Variants in TECPR2 observed in about 807,000 individuals in gnomAD.
The protein encoded by TECPR2 is tectonin beta-propeller repeat-containing protein 2.
A neutral mutation model predicts 138.1 loss-of-function variants in TECPR2; 65 were observed. That is an observed-to-expected ratio of 0.47 (90% CI 0.39 to 0.58). The LOEUF (loss-of-function observed/expected upper bound fraction) is 0.58. Ranked by LOEUF, TECPR2 falls within the 20% of genes least tolerant of loss-of-function variation. TECPR2 has a pLI of 0.00. For synonymous variants in TECPR2, 746 were observed against 749.8 expected, an observed-to-expected ratio of 0.99 and a Z score of 0.08; for missense variants, 1,553 against 1,824.5, an observed-to-expected ratio of 0.85 and a Z score of 2.71.
At position 102,415,553 on chromosome 14, in the gene TECPR2, G is replaced by A. The variant is rs140473737; in HGVS notation, c.638+760G>A. Among the ~76,000 whole-genome samples, 1 of 152,254 alleles carries A rather than the reference G, an allele frequency of 6.6e-6. No individual in the cohort carries two copies. Among genetic ancestry groups the A allele is most frequent in the African/African-American group, 2.4e-5 (1 of 41,534 alleles). On this transcript the variant is annotated intron_variant, in intron 5 of 19. Transcript: ENST00000359520. This position sits in a 1 kb window ranked among gnomAD's most constrained non-coding sequence, Gnocchi z 4.3. ...GCACTCTTGTAGGACTCTGCAGCGA[G>A]TTTGCGTGGGGATGGGGTGAGGAGG...
intron 2 of TECPR2, among the ~76,000 whole-genome samples, chr14:102,392,180 C>T (rs552695590): frequency 3.9e-5 from 6 of 151,974 alleles, no homozygotes; most frequent in South Asian, 2.1e-4. Context: ...TTAGTAGAGA[C>T]GGGGTTTCAC....
chr14:102,370,097 G>A (rs1365332008), intron 1 of TECPR2, among the ~76,000 whole-genome samples: 1 of 151,568 alleles, frequency 6.6e-6, no homozygotes, highest in East Asian at 2.0e-4. Flanking sequence ...TTGAGACAGA[G>A]TTTCGCTCTT....
rs200151959 is a variant in TECPR2, at chr14:102,440,472, G to C, written c.2615G>C (p.Arg872Pro). 1.2e-6 allele frequency: 2 copies of C among 1,614,188 alleles called. No individual in the cohort carries two copies. Among genetic ancestry groups the C allele is most frequent in the South Asian group, 2.2e-5 (2 of 91,084 alleles). The change falls in exon 11 of 20, where the codon CGG becomes CCG. Residue 872 changes from arginine (R) to proline (P), a missense_variant. Physicochemically the swap from Arg to Pro is moderately radical, Grantham distance 103. Coordinates refer to ENST00000359520, the MANE Select transcript of TECPR2 (RefSeq NM_014844.5). ...TGGAAGATTGAACAGAAATCTAACC[G>C]GGCTTTTGCTTGTGGGAAAGTCACC... is the stretch of plus-strand genomic sequence containing the variant. ...LLWKIEQKSN[R>P]AFACGKVTIK...
chr14:102,433,590 G>A (rs1222035889), intron 8 of TECPR2, among the ~76,000 whole-genome samples: 1 of 151,584 alleles, frequency 6.6e-6, no homozygotes, highest in Non-Finnish European at 1.5e-5. Context: ...GTGCGATCTC[G>A]GCTCACTGCA....
intron 17 of TECPR2, among the ~76,000 whole-genome samples, chr14:102,478,614 G>A (rs1304116379): frequency 4.0e-5 from 6 of 151,118 alleles, no homozygotes; most frequent in East Asian, 2.0e-4. Context: ...ATGTCAGTGC[G>A]CTCCAGCCTG....
At position 102,486,311 on chromosome 14, in the gene TECPR2, T is replaced by A. The variant is rs191720943; in HGVS notation, c.3790-10668T>A. 5.5e-3 allele frequency among the ~76,000 whole-genome samples: 834 copies of A among 152,116 alleles called. 5 individuals carry two copies. Among genetic ancestry groups the A allele is most frequent in the African/African-American group, 0.013 (559 of 41,520 alleles). On this transcript the variant is annotated intron_variant, in intron 17 of 19. Coordinates refer to ENST00000359520, the MANE Select transcript of TECPR2 (RefSeq NM_014844.5). ...ACCCATTCTTCAAATTAAAAAAAAATTTTTTTGAGTTAGGCTCTTGTTCCG... is the reference window on the plus strand; with the variant it reads ...ACCCATTCTTCAAATTAAAAAAAAAATTTTTTGAGTTAGGCTCTTGTTCCG...
rs1891437463 is a variant in TECPR2 at position 102,501,652 on chromosome 14, A to G, written c.*3395A>G. ...GAATTGATGTTGAATATTTACCTTA[A>G]AAACCTATACAACAATAAGAGGAGT... On this transcript the variant is annotated 3_prime_UTR_variant, in exon 20 of 20. Coordinates refer to ENST00000359520, the MANE Select transcript of TECPR2 (RefSeq NM_014844.5). 2 of 152,258 alleles carry G rather than the reference A, an allele frequency of 1.3e-5. 1 individual carries two copies. The highest frequency in any genetic ancestry group is 4.8e-5 in the African/African-American group (2 of 41,464). 9.4% of individuals were successfully genotyped at this position (152,258 alleles called of 1,614,324 possible).
chr14:102,495,794 G>A (rs1891263971), intron 17 of TECPR2, among the ~76,000 whole-genome samples: 1 of 152,198 alleles, frequency 6.6e-6, no homozygotes, highest in East Asian at 1.9e-4. Context: ...GCCCACGGGA[G>A]GCATTTCATA....
intron 16 of TECPR2, among the ~76,000 whole-genome samples, 170 bp from the exon 17 acceptor site, chr14:102,464,971 C>T (rs1890515495): frequency 6.6e-6 from 1 of 152,232 alleles, no homozygotes; most frequent in African/African-American, 2.4e-5. Context: ...TGAGTCCACA[C>T]AGCCGATGTG....
intron 16 of TECPR2, among the ~76,000 whole-genome samples, chr14:102,453,129 C>T (rs1032634382): frequency 6.6e-6 from 1 of 152,204 alleles, no homozygotes; most frequent in African/African-American, 2.4e-5. Flanking sequence ...CCACTAGCTC[C>T]TGCTTTTCTC....
chr14:102,413,037 A>G (rs1888924168), intron 4 of TECPR2, among the ~76,000 whole-genome samples: 1 of 152,140 alleles, frequency 6.6e-6, no homozygotes, highest in Admixed American at 6.6e-5. Flanking sequence ...TGGAGATTGC[A>G]GTGAGCTGAG....
At chr14:102,400,223 T>C (rs1250740290) in intron 2 of TECPR2, among the ~76,000 whole-genome samples, 2 of 152,074 alleles carry the variant, frequency 1.3e-5, no homozygotes, top group Admixed American at 6.6e-5. Flanking sequence ...TTTTTGTATT[T>C]TTAGTAGAGA....
intron 4 of TECPR2, among the ~76,000 whole-genome samples, chr14:102,412,123 C>CTTTTTTTTT (rs751930335): frequency 3.3e-5 from 3 of 90,674 alleles, no homozygotes; most frequent in Admixed American, 1.4e-4. Context: ...AATGTTGACA[C>CTTTTTTTTT]TTTTTTTTTT....
At chr14:102,412,216 T>G (rs540916356) in intron 4 of TECPR2, among the ~76,000 whole-genome samples, 1 of 150,968 alleles carries the variant, frequency 6.6e-6, no homozygotes, top group East Asian at 1.9e-4. Context: ...ACTGCAGCTT[T>G]GACTTCCCAG....
chr14:102,390,961 G>A (rs912140279), intron 2 of TECPR2, among the ~76,000 whole-genome samples: 7 of 152,120 alleles, frequency 4.6e-5, no homozygotes, highest in African/African-American at 1.4e-4. Flanking sequence ...ACAGCAGGAC[G>A]CTAAAAAGAT....
intron 4 of TECPR2, among the ~76,000 whole-genome samples, chr14:102,410,031 C>A (rs1174528056): frequency 6.6e-6 from 1 of 151,066 alleles, no homozygotes; most frequent in Non-Finnish European, 1.5e-5. Flanking sequence ...GTTTCAATCT[C>A]CTGACCCTGT....
chr14:102,481,040 C>G (rs903211704), intron 17 of TECPR2, among the ~76,000 whole-genome samples: 1 of 147,356 alleles, frequency 6.8e-6, no homozygotes, highest in African/African-American at 2.5e-5. Flanking sequence ...GAGACAGGGT[C>G]TCACTCTGTC....
At chr14:102,390,883 G>A (rs545716797) in intron 2 of TECPR2, among the ~76,000 whole-genome samples, 2 of 151,648 alleles carry the variant, frequency 1.3e-5, no homozygotes, top group Non-Finnish European at 2.9e-5. Flanking sequence ...TAATAAATTG[G>A]CTTTCCAGCT....
At chr14:102,404,579 ATT>A (rs11410430) in intron 2 of TECPR2, among the ~76,000 whole-genome samples, 1 of 145,806 alleles carries the variant, frequency 6.9e-6, no homozygotes. Context: ...GTCAAGTGAA[ATT>A]TTTTTTTTTT....
Sources: allele counts gnomAD v4.1 joint callset (sites outside exome capture counted in the v4.1 genomes callset), GRCh38; gene constraint gnomAD v4.1.1; non-coding constraint Gnocchi (gnomAD v3.1); transcripts MANE v1.5; gene names NCBI Gene and HGNC (gene_info 2026-07-23, HGNC 2026-07-21).